GUCY1A2: variants seen among roughly 807,000 people sequenced by gnomAD.
The protein encoded by GUCY1A2 is guanylate cyclase 1 soluble subunit alpha 2, also known as guanylate cyclase soluble subunit alpha-2.
GUCY1A2 carries 27 observed loss-of-function variants against 63.5 expected under a neutral mutation model. The observed-to-expected ratio is 0.43, with a 90% CI of 0.31 to 0.59. The LOEUF is 0.59. GUCY1A2 is among the 20% of genes least tolerant of loss of function. GUCY1A2 has a pLI of 0.11. For synonymous variants in GUCY1A2, 364 were observed against 343.5 expected (o/e 1.06, Z -0.66); for missense variants, 768 against 913.3 (o/e 0.84, Z 2.05).
rs1016811558 is a variant in GUCY1A2 at position 106,677,718 on chromosome 11, G to A, written c.*9831C>T. 4.3e-5 allele frequency: 9 copies of A among 210,380 alleles called. No homozygotes were observed. Among genetic ancestry groups the A allele is most frequent in the African/African-American group, 1.8e-4 (8 of 44,028 alleles). 13.0% of individuals were successfully genotyped at this position (210,380 alleles called of 1,614,324 possible). On this transcript the variant is annotated 3_prime_UTR_variant, in exon 8 of 8. Transcript: ENST00000526355. ...CCATCTATTTTCAGCTTGCCTCTAG[G>A]TTAACAGGATTAGACAACAGACCTA...
chr11:106,816,167 T>TAAA (rs60263721), intron 4 of GUCY1A2, among the ~76,000 whole-genome samples: 40 of 91,994 alleles, frequency 4.3e-4, no homozygotes, highest in Non-Finnish European at 5.0e-4. Context: ...ACTCTTTCTT[T>TAAA]AAAAAAAAAA....
rs75221841 is a variant in GUCY1A2 at position 106,999,600 on chromosome 11, C to T, written c.304-13469G>A. ...GATCTTATTTGTAGATCCTTATTAG[C>T]GGATTCATATTTTATAGTTATACAA... On this transcript the variant is annotated intron_variant, in intron 1 of 7. Coordinates refer to ENST00000526355, the MANE Select transcript of GUCY1A2 (RefSeq NM_000855.3). 5.7e-3 allele frequency among the ~76,000 whole-genome samples: 860 copies of T among 152,188 alleles called. 23 individuals are homozygous for T. In the East Asian group the frequency reaches 0.088, roughly 16 times the overall value.
chr11:106,922,001 A>G (rs1296679678), intron 4 of GUCY1A2, among the ~76,000 whole-genome samples: 1 of 152,200 alleles, frequency 6.6e-6, no homozygotes, highest in African/African-American at 2.4e-5. Context: ...AGTGCACATC[A>G]GCTCAACCCC....
At chr11:106,976,089 G>C (rs1414958573) in intron 3 of GUCY1A2, among the ~76,000 whole-genome samples, 5 of 152,082 alleles carry the variant, frequency 3.3e-5, no homozygotes, top group African/African-American at 1.2e-4. Flanking sequence ...ATACAAATAA[G>C]TGAATAAACG....
At chr11:106,897,736 T>C (rs1860071462) in intron 4 of GUCY1A2, among the ~76,000 whole-genome samples, 1 of 151,514 alleles carries the variant, frequency 6.6e-6, no homozygotes, top group Non-Finnish European at 1.5e-5. Context: ...AAATGTTAAA[T>C]GCAAAACTAT....
At chr11:106,992,077 T>C (rs1283638165) in intron 1 of GUCY1A2, among the ~76,000 whole-genome samples, 1 of 152,180 alleles carries the variant, frequency 6.6e-6, no homozygotes, top group Non-Finnish European at 1.5e-5. Context: ...GTAATATGGC[T>C]CCCAAATCTA....
At chr11:106,698,257 CTT>C (rs1862757112) in intron 7 of GUCY1A2, among the ~76,000 whole-genome samples, 1 of 149,374 alleles carries the variant, frequency 6.7e-6, no homozygotes, top group African/African-American at 2.5e-5. Context: ...GCAACTGAGA[CTT>C]TAGGCACATG....
chr11:106,883,002 C>T (rs1029352489), intron 4 of GUCY1A2, among the ~76,000 whole-genome samples: 3 of 151,904 alleles, frequency 2.0e-5, no homozygotes, highest in Non-Finnish European at 2.9e-5. Flanking sequence ...AGCAGGTGTT[C>T]CAATATCTCT....
intron 5 of GUCY1A2, among the ~76,000 whole-genome samples, chr11:106,799,722 C>G (rs1272840475): frequency 6.6e-6 from 1 of 152,146 alleles, no homozygotes; most frequent in Non-Finnish European, 1.5e-5. Flanking sequence ...CTTCCTTACA[C>G]CTTATACAGA....
intron 2 of GUCY1A2, among the ~76,000 whole-genome samples, chr11:106,982,986 T>C (rs988999873): frequency 4.6e-5 from 7 of 152,208 alleles, no homozygotes; most frequent in African/African-American, 1.2e-4. Flanking sequence ...GAGCCCTATC[T>C]GAACCTAGGA....
At chr11:106,813,860 G>C (rs921080336) in intron 4 of GUCY1A2, among the ~76,000 whole-genome samples, 1 of 152,076 alleles carries the variant, frequency 6.6e-6, no homozygotes, top group African/African-American at 2.4e-5. Flanking sequence ...ACTGTGCTGA[G>C]TACTTAATTA....
At chr11:106,909,717 C>T (rs1860266333) in intron 4 of GUCY1A2, among the ~76,000 whole-genome samples, 1 of 151,938 alleles carries the variant, frequency 6.6e-6, no homozygotes, top group Admixed American at 6.6e-5. Context: ...AGTAGTATTC[C>T]ATCTGGATGT....
chr11:106,737,485 G>A (rs752078463), intron 6 of GUCY1A2, among the ~76,000 whole-genome samples: 10 of 152,036 alleles, frequency 6.6e-5, no homozygotes, highest in Non-Finnish European at 1.2e-4. Flanking sequence ...TGCCATGGTG[G>A]TTTGCTGCAC....
At chr11:106,995,981 G>C (rs968336747) in intron 1 of GUCY1A2, among the ~76,000 whole-genome samples, 4 of 50,648 alleles carry the variant, frequency 7.9e-5, no homozygotes, top group African/African-American at 3.3e-4. Context: ...TTCCCAAGAA[G>C]AGTCTGAGAA....
intron 1 of GUCY1A2, among the ~76,000 whole-genome samples, chr11:107,013,447 C>T (rs1340920519): frequency 6.6e-6 from 1 of 152,192 alleles, no homozygotes; most frequent in East Asian, 1.9e-4. Context: ...AAATCCCCAG[C>T]TGTTGCTTAA....
intron 6 of GUCY1A2, among the ~76,000 whole-genome samples, chr11:106,719,286 C>G (rs935702741): frequency 6.6e-6 from 1 of 151,284 alleles, no homozygotes; most frequent in Non-Finnish European, 1.5e-5. Context: ...ACAGATAATC[C>G]GGAATAAAAT....
chr11:106,746,491 T>G, intron 6 of GUCY1A2: 1 of 839,898 alleles, frequency 1.2e-6, no homozygotes, highest in Non-Finnish European at 1.9e-6. Flanking sequence ...AAGTAAGTAA[T>G]AACCAATATG....
intron 3 of GUCY1A2, among the ~76,000 whole-genome samples, chr11:106,950,264 G>C (rs1033101886): frequency 6.6e-6 from 1 of 152,172 alleles, no homozygotes; most frequent in Non-Finnish European, 1.5e-5. Context: ...AGGTGACAAA[G>C]GGCTCATCAC....
chr11:107,015,462 A>C (rs571951787), intron 1 of GUCY1A2, among the ~76,000 whole-genome samples: 3 of 145,110 alleles, frequency 2.1e-5, no homozygotes, highest in South Asian at 4.4e-4. Flanking sequence ...AGTTTCTTTT[A>C]TCTACTCCTC....
Sources: gnomAD v4.1 joint callset for allele counts (sites outside exome capture counted in the v4.1 genomes callset) on GRCh38, gnomAD v4.1.1 for gene constraint, MANE v1.5 for transcripts, NCBI Gene and HGNC (gene_info 2026-07-23, HGNC 2026-07-21) for gene names.